The following KCND2 variants were observed in gnomAD, a reference collection of about 807,000 sequenced individuals.
The protein encoded by KCND2 is potassium voltage-gated channel subfamily D member 2, also known as A-type voltage-gated potassium channel KCND2.
In KCND2, 16 loss-of-function variants were observed where a neutral mutation model predicts 54.4. That is an observed-to-expected ratio of 0.29 (90% CI 0.20 to 0.45). The LOEUF (loss-of-function observed/expected upper bound fraction) is 0.45. Ranked by LOEUF, KCND2 falls within the 20% of genes least tolerant of loss-of-function variation. The probability of loss-of-function intolerance (pLI) is 1.00; values close to 1 mark genes in which losing one functional copy is unlikely to be tolerated. For missense variants in KCND2, 486 were observed against 824.2 expected (o/e 0.59, Z 5.02); for synonymous variants, 317 against 310.7 (o/e 1.02, Z -0.21).
chr7:120,703,752 G>A (rs1792431901), intron 1 of KCND2, among the ~76,000 whole-genome samples: 1 of 152,176 alleles, frequency 6.6e-6, no homozygotes, highest in South Asian at 2.1e-4. Flanking sequence ...CCACACTGTG[G>A]TGTCAGCGAT....
At chr7:120,448,722 C>T (rs952172887) in intron 1 of KCND2, among the ~76,000 whole-genome samples, 4 of 151,964 alleles carry the variant, frequency 2.6e-5, no homozygotes, top group African/African-American at 9.6e-5. Flanking sequence ...AAAGCTTATC[C>T]ACCACGATCA....
intron 1 of KCND2, among the ~76,000 whole-genome samples, chr7:120,605,183 A>G (rs180795149): frequency 1.2e-4 from 19 of 152,124 alleles, no homozygotes; most frequent in African/African-American, 4.3e-4. Flanking sequence ...CATCTTCACC[A>G]CCCTAAAAAG....
At chr7:120,309,680 A>G (rs1222914379) in intron 1 of KCND2, among the ~76,000 whole-genome samples, 2 of 151,640 alleles carry the variant, frequency 1.3e-5, no homozygotes, top group East Asian at 1.9e-4. Context: ...ATTTACTTCT[A>G]TCTTATGGAC....
intron 1 of KCND2, among the ~76,000 whole-genome samples, chr7:120,518,533 G>C (rs1803231865): frequency 6.6e-6 from 1 of 152,124 alleles, no homozygotes; most frequent in South Asian, 2.1e-4. Flanking sequence ...TAAATCATCA[G>C]CTAGAATGAG....
intron 1 of KCND2, among the ~76,000 whole-genome samples, chr7:120,496,464 G>T (rs565588420): frequency 4.3e-4 from 66 of 151,882 alleles, no homozygotes; most frequent in African/African-American, 1.3e-3. Context: ...TCGCTCTGTT[G>T]CAGAGGCTGG....
chr7:120,337,228 TTTTA>T (rs1372484660), intron 1 of KCND2, among the ~76,000 whole-genome samples: 1 of 152,176 alleles, frequency 6.6e-6, no homozygotes, highest in African/African-American at 2.4e-5. Flanking sequence ...ATAAGATTCT[TTTTA>T]TTTATTTAGT....
chr7:120,337,757 C>G (rs1290094233), intron 1 of KCND2, among the ~76,000 whole-genome samples: 1 of 152,104 alleles, frequency 6.6e-6, no homozygotes, highest in Non-Finnish European at 1.5e-5. Flanking sequence ...ACTGATTATT[C>G]GTTTACAAAA....
chr7:120,310,467 T>A (rs1414743404), intron 1 of KCND2, among the ~76,000 whole-genome samples: 3 of 152,164 alleles, frequency 2.0e-5, no homozygotes, highest in African/African-American at 4.8e-5. Flanking sequence ...TCAACTATAA[T>A]TTGCAAAATA....
chr7:120,467,300 A>G (rs764884972), intron 1 of KCND2, among the ~76,000 whole-genome samples: 1 of 152,158 alleles, frequency 6.6e-6, no homozygotes, highest in Non-Finnish European at 1.5e-5. Flanking sequence ...TATATGGAAT[A>G]AAAGAGACTG....
At chr7:120,670,950 TACA>T (rs1791985683) in intron 1 of KCND2, among the ~76,000 whole-genome samples, 1 of 151,724 alleles carries the variant, frequency 6.6e-6, no homozygotes, top group Non-Finnish European at 1.5e-5. Context: ...GGGATGAATG[TACA>T]ACATTGGTGT....
intron 1 of KCND2, among the ~76,000 whole-genome samples, chr7:120,652,481 G>A (rs1791748051): frequency 6.6e-6 from 1 of 152,172 alleles, no homozygotes; most frequent in South Asian, 2.1e-4. Context: ...TTTTGTCTCA[G>A]CTGTCCATGT....
intron 1 of KCND2, among the ~76,000 whole-genome samples, chr7:120,723,571 A>G (rs1792694777): frequency 6.6e-6 from 1 of 152,128 alleles, no homozygotes; most frequent in Non-Finnish European, 1.5e-5. Flanking sequence ...ATGATGGCCA[A>G]GCTGAGCATG....
At chr7:120,619,010 A>G (rs1376458852) in intron 1 of KCND2, among the ~76,000 whole-genome samples, 1 of 152,212 alleles carries the variant, frequency 6.6e-6, no homozygotes, top group Non-Finnish European at 1.5e-5. Context: ...TGCCTAAGTA[A>G]TTCTAGAAGT....
At chr7:120,367,506 C>T (rs919849377) in intron 1 of KCND2, among the ~76,000 whole-genome samples, 1 of 150,474 alleles carries the variant, frequency 6.6e-6, no homozygotes, top group East Asian at 2.0e-4. Context: ...TAATAAGGCT[C>T]GTAAAGTAGG....
At chr7:120,342,015 A>T (rs1281637311) in intron 1 of KCND2, among the ~76,000 whole-genome samples, 1 of 152,144 alleles carries the variant, frequency 6.6e-6, no homozygotes. Context: ...AAACTGTATT[A>T]TATTTGTCAT....
intron 1 of KCND2, among the ~76,000 whole-genome samples, chr7:120,352,817 T>C (rs567772935): frequency 5.5e-4 from 84 of 152,304 alleles, no homozygotes; most frequent in South Asian, 2.1e-3. Context: ...CATTTGTAGA[T>C]AATTTAGAGA....
intron 1 of KCND2, among the ~76,000 whole-genome samples, chr7:120,613,859 C>T (rs547813048): frequency 1.2e-4 from 18 of 152,280 alleles, no homozygotes; most frequent in African/African-American, 4.1e-4. Context: ...AATTCCAGTA[C>T]ATATACATAT....
intron 1 of KCND2, among the ~76,000 whole-genome samples, chr7:120,312,296 A>G (rs761689056): frequency 3.3e-5 from 5 of 152,064 alleles, no homozygotes; most frequent in Admixed American, 2.0e-4. Context: ...ATTGATGGGC[A>G]TTTAGGTTGA....
rs573680907 is a variant in KCND2, at chr7:120,636,347, A to G, written c.1116-96556A>G. Among the ~76,000 whole-genome samples the G allele has an allele frequency of 7.1e-4, 108 of 152,148 alleles. 2 individuals carry two copies. The highest frequency in any genetic ancestry group is 2.4e-3 in the African/African-American group (101 of 41,540). On this transcript the variant is annotated intron_variant, in intron 1 of 5. Coordinates refer to ENST00000331113, the MANE Select transcript of KCND2 (RefSeq NM_012281.3). ...AAGGAAGAACTTGAGCTAGTTGCAA[A>G]ATTCCCATTACTATTATGATAAGTG...
Sources: allele counts gnomAD v4.1 joint callset (sites outside exome capture counted in the v4.1 genomes callset), GRCh38; gene constraint gnomAD v4.1.1; transcripts MANE v1.5; gene names NCBI Gene and HGNC (gene_info 2026-07-23, HGNC 2026-07-21).